The following CCDC91 variants were observed in gnomAD, a reference collection of about 807,000 sequenced individuals.
The protein encoded by CCDC91 is coiled-coil domain-containing protein 91.
A neutral mutation model predicts 63.2 loss-of-function variants in CCDC91; 48 were observed. That is an observed-to-expected ratio of 0.76 (90% CI 0.60 to 0.97). The LOEUF is 0.97. CCDC91 is among the 50% of genes least tolerant of loss of function. CCDC91 has a pLI of 0.00. For synonymous variants in CCDC91, 167 were observed against 165.8 expected, an observed-to-expected ratio of 1.01 and a Z score of -0.06; for missense variants, 500 against 494.6, an observed-to-expected ratio of 1.01 and a Z score of -0.10.
intron 12 of CCDC91, among the ~76,000 whole-genome samples, chr12:28,538,322 G>T (rs1304436506): frequency 7.4e-6 from 1 of 134,570 alleles, no homozygotes; most frequent in Non-Finnish European, 1.5e-5. Context: ...TGCTCTCATT[G>T]TTCAATTCCC....
Position 28,232,328 on chromosome 12 carries a change from AT to A in CCDC91, c.-14-24864del, listed in dbSNP as rs1031547971. ...TACTGGTCTTTTGCTTTACTTAAAA[AT>A]TTTTTTTTTCACTTTTCTAATTACT... On this transcript the variant is annotated intron_variant, in intron 1 of 12. Transcript: ENST00000536442. 6.0e-5 allele frequency among the ~76,000 whole-genome samples: 9 copies of A among 150,370 alleles called. No homozygotes were observed. The South Asian group carries it at 1.5e-3, about 25-fold the overall frequency.
At chr12:28,283,834 A>G (rs1948747837) in intron 3 of CCDC91, among the ~76,000 whole-genome samples, 1 of 152,184 alleles carries the variant, frequency 6.6e-6, no homozygotes, top group African/African-American at 2.4e-5. Context: ...TTTTCCATTT[A>G]TGATATCATG....
At chr12:28,472,226 G>A (rs936747446) in intron 11 of CCDC91, among the ~76,000 whole-genome samples, 17 of 152,238 alleles carry the variant, frequency 1.1e-4, no homozygotes, top group African/African-American at 3.9e-4. Flanking sequence ...AGCCAGCTAC[G>A]TTAGATTGAG....
At chr12:28,352,405 A>G (rs531780598) in intron 6 of CCDC91, among the ~76,000 whole-genome samples, 1 of 152,348 alleles carries the variant, frequency 6.6e-6, no homozygotes, top group Non-Finnish European at 1.5e-5. Flanking sequence ...ACTTCTTTCA[A>G]AATTGGAGTA....
At chr12:28,409,417 G>T (rs1316853916) in intron 8 of CCDC91, among the ~76,000 whole-genome samples, 1 of 151,930 alleles carries the variant, frequency 6.6e-6, no homozygotes, top group Non-Finnish European at 1.5e-5. Flanking sequence ...TCTTGTCTTA[G>T]TCTAGATAAT....
chr12:28,441,384 A>G (rs1811552087), intron 8 of CCDC91, among the ~76,000 whole-genome samples: 1 of 152,092 alleles, frequency 6.6e-6, no homozygotes, highest in Admixed American at 6.5e-5. Context: ...ATAAAAATGT[A>G]TATCAAAGAA....
chr12:28,267,816 TTATATTATTAA>T (rs1376622022), intron 3 of CCDC91, among the ~76,000 whole-genome samples: 12,045 of 59,680 alleles, frequency 0.2, 2,520 homozygotes, highest in Non-Finnish European at 0.29. Flanking sequence ...TAATATATAA[TTATATTATTAA>T]TATATAATTA....
chr12:28,275,682 A>G (rs945898863), intron 3 of CCDC91, among the ~76,000 whole-genome samples: 2 of 152,178 alleles, frequency 1.3e-5, no homozygotes, highest in African/African-American at 2.4e-5. Context: ...AGAGAATTTT[A>G]GACCAATATC....
chr12:28,230,027 ATTCT>A (rs1286132156), intron 1 of CCDC91, among the ~76,000 whole-genome samples: 5 of 152,130 alleles, frequency 3.3e-5, no homozygotes, highest in Non-Finnish European at 7.4e-5. Context: ...CTCAGAAATG[ATTCT>A]TTAACCACAA....
rs1939718938 is a variant in CCDC91, at chr12:28,315,157, A to G, written c.576+7408A>G. ...ATTTTACTTAATGTGTCAGTTGTAT[A>G]TATATATATATATATTTTTGTTTTT... On this transcript the variant is annotated intron_variant, in intron 6 of 12. Coordinates refer to ENST00000536442, the MANE Select transcript of CCDC91 (RefSeq NM_018318.5). Among the ~76,000 whole-genome samples the G allele has an allele frequency of 7.9e-5, 12 of 151,124 alleles. No individual in the cohort carries two copies. In the South Asian group the frequency reaches 2.5e-3, roughly 32 times the overall value.
Position 28,499,355 on chromosome 12 carries a change from T to TTTA in CCDC91, c.1215+15207_1215+15209dup, listed in dbSNP as rs140985245. On this transcript the variant is annotated intron_variant, in intron 12 of 12. Transcript: ENST00000536442. ...CACTTGGAATATATGGCACCTCACT[T>TTTA]TTATTATTATTATTATTATACTTTA... 6.6e-3 allele frequency among the ~76,000 whole-genome samples: 1,000 copies of TTTA among 151,112 alleles called. 14 individuals are homozygous for TTTA. The highest frequency in any genetic ancestry group is 0.022 in the African/African-American group (912 of 41,314).
At chr12:28,454,232 T>C (rs564975463) in intron 11 of CCDC91, among the ~76,000 whole-genome samples, 30 of 152,298 alleles carry the variant, frequency 2.0e-4, no homozygotes, top group African/African-American at 6.7e-4. Context: ...CTTGACTCTA[T>C]ATGTTGGTTT....
chr12:28,530,620 A>G (rs1232033648), intron 12 of CCDC91, among the ~76,000 whole-genome samples: 1 of 152,210 alleles, frequency 6.6e-6, no homozygotes, highest in Non-Finnish European at 1.5e-5. Flanking sequence ...ATGTGTCAGC[A>G]GAAAAGAACA....
intron 12 of CCDC91, among the ~76,000 whole-genome samples, chr12:28,527,370 C>T (rs1221076575): frequency 6.6e-6 from 1 of 152,206 alleles, no homozygotes; most frequent in Admixed American, 6.5e-5. Context: ...ATTGTTATCT[C>T]TCTTCTGGAT....
chr12:28,253,206 GGTT>G (rs1358232559), intron 1 of CCDC91, among the ~76,000 whole-genome samples: 2 of 152,112 alleles, frequency 1.3e-5, no homozygotes, highest in African/African-American at 4.8e-5. Context: ...CCTTTTCATG[GGTT>G]GAGTAGATTC....
At chr12:28,544,402 CTTTACCCATGAGTGGAT>C (rs1942841586) in intron 12 of CCDC91, among the ~76,000 whole-genome samples, 1 of 151,918 alleles carries the variant, frequency 6.6e-6, no homozygotes, top group Admixed American at 6.6e-5. Context: ...TCTCTAGTCA[CTTTACCCATGAGTGGAT>C]TTGCTGGATA....
chr12:28,489,378 A>G (rs1295562306), intron 12 of CCDC91, among the ~76,000 whole-genome samples: 2 of 151,874 alleles, frequency 1.3e-5, no homozygotes, highest in Non-Finnish European at 2.9e-5. Flanking sequence ...ACACTTCCCT[A>G]GGGAGGAATA....
At chr12:28,428,462 G>A (rs1948445965) in intron 8 of CCDC91, among the ~76,000 whole-genome samples, 4 of 151,114 alleles carry the variant, frequency 2.6e-5, no homozygotes, top group Admixed American at 2.0e-4. Context: ...CCAGCTATTT[G>A]GGAGGCTGAG....
At chr12:28,279,941 G>A (rs1220143640) in intron 3 of CCDC91, among the ~76,000 whole-genome samples, 1 of 152,020 alleles carries the variant, frequency 6.6e-6, no homozygotes, top group Non-Finnish European at 1.5e-5. Context: ...TCTAAAATAT[G>A]ATAACATCAT....
Sources: gnomAD v4.1 joint callset for allele counts (sites outside exome capture counted in the v4.1 genomes callset) on GRCh38, gnomAD v4.1.1 for gene constraint, MANE v1.5 for transcripts, NCBI Gene and HGNC (gene_info 2026-07-23, HGNC 2026-07-21) for gene names.